Variants in SPIRE2 observed in about 807,000 individuals in gnomAD.
SPIRE2 encodes protein spire homolog 2.
In SPIRE2, 76 loss-of-function variants were observed where a neutral mutation model predicts 80.7. The observed-to-expected ratio is 0.94, with a 90% CI of 0.78 to 1.14. The LOEUF (loss-of-function observed/expected upper bound fraction) is 1.14. Among genes scored for constraint, SPIRE2 ranks in the 50% most tolerant of loss-of-function variants. SPIRE2 has a pLI of 0.00. For synonymous variants in SPIRE2, 535 were observed against 432.6 expected (o/e 1.24, Z -2.94); for missense variants, 1,196 against 1,015.3 (o/e 1.18, Z -2.42).
At position 89,845,209 on chromosome 16, in the gene SPIRE2, C is replaced by A. The variant is rs553035446; in HGVS notation, c.245-113C>A. ...GCCTGCTGTGAGCTTTCTGGTGTTCCGGCGGAGAGTGGGGCTGTGGTGTGT... is the reference window on the plus strand; with the variant it reads ...GCCTGCTGTGAGCTTTCTGGTGTTCAGGCGGAGAGTGGGGCTGTGGTGTGT... On this transcript the variant is annotated intron_variant, in intron 1 of 14. Coordinates refer to ENST00000378247, the MANE Select transcript of SPIRE2 (RefSeq NM_032451.2). 3 of 951,146 alleles carry A rather than the reference C, an allele frequency of 3.2e-6. No homozygotes were observed. In the African/African-American group the frequency reaches 4.9e-5, roughly 16 times the overall value. The allele number at this position is 951,146 out of a possible 1,614,324, so 58.9% of individuals were successfully genotyped here.
intron 3 of SPIRE2, among the ~76,000 whole-genome samples, 167 bp downstream of exon 3, chr16:89,850,827 G>GTT (rs953644391): frequency 1.3e-5 from 2 of 151,760 alleles, no homozygotes; most frequent in East Asian, 1.9e-4. Context: ...CTTTCTTGTT[G>GTT]TTTTTTTGTT....
At chr16:89,842,352 A>C (rs910010286) in intron 1 of SPIRE2, among the ~76,000 whole-genome samples, 1 of 151,510 alleles carries the variant, frequency 6.6e-6, no homozygotes, top group Admixed American at 6.6e-5. Flanking sequence ...AGCTGGGATT[A>C]CAGGCATGTG....
intron 2 of SPIRE2, 77 bp from the exon 3 acceptor site, chr16:89,850,227 C>T (rs763490467): frequency 2.9e-5 from 37 of 1,294,904 alleles, no homozygotes; most frequent in South Asian, 5.0e-5. Flanking sequence ...GTGCTGGGCC[C>T]TCTGCACCCA....
At chr16:89,859,413 G>A (rs2041722588) in intron 9 of SPIRE2, 59 bp downstream of exon 9, 2 of 1,145,052 alleles carry the variant, frequency 1.7e-6, no homozygotes, top group East Asian at 6.2e-5. Flanking sequence ...CCATCCTGTG[G>A]GCACCATCCC....
In SPIRE2 at chr16:89,854,611, A is replaced by C; in HGVS notation, c.851A>C (p.Gln284Pro). Residue 284 changes from glutamine (Q) to proline (P), a missense_variant, in exon 5 of 15, where the codon CAG (glutamine) becomes CCG (proline). Physicochemically the swap from Gln to Pro is moderately conservative, Grantham distance 76. Transcript: ENST00000378247. ...FQLTPFEMLM[Q>P]DIRARNYKLR... ...CTCACGCCCTTCGAGATGCTGATGC[A>C]GGACATCCGGGCCCGGAACTACAAG... is the stretch of plus-strand genomic sequence containing the variant. The C allele has an allele frequency of 6.3e-7, 1 of 1,597,066 alleles. No individual in the cohort carries two copies. Among genetic ancestry groups the C allele is most frequent in the Non-Finnish European group, 8.5e-7 (1 of 1,170,036 alleles).
intron 1 of SPIRE2, among the ~76,000 whole-genome samples, chr16:89,836,638 C>T (rs1435957169): frequency 6.6e-6 from 1 of 152,024 alleles, no homozygotes; most frequent in Non-Finnish European, 1.5e-5. Flanking sequence ...TCACCCAGAA[C>T]GACCTTGACC....
intron 10 of SPIRE2, 63 bp downstream of exon 10, chr16:89,860,858 G>A (rs1024994768): frequency 1.5e-5 from 16 of 1,062,916 alleles, no homozygotes; most frequent in Middle Eastern, 2.3e-4. Context: ...CCACCTTCCC[G>A]CCGCCAGCCA....
chr16:89,870,179 C>T lies in SPIRE2; in HGVS notation c.2052C>T (p.Arg684=), dbSNP rs1482906393. The change falls in exon 15 of 15, where the codon CGC becomes CGT. Residue 684 remains arginine (R), a synonymous_variant. Transcript: ENST00000378247. ...SFVADVVRSS[R]KSVDVLNTTP... is the part of the protein sequence containing the mutation. ...TGGCAGACGTGGTGCGTTCCAGCCG[C>T]AAGAGCGTGGACGTCCTCAACACTA... 1 of 1,610,816 alleles carries T rather than the reference C, an allele frequency of 6.2e-7. No individual in the cohort carries two copies. Among genetic ancestry groups the T allele is most frequent in the Admixed American group, 1.7e-5 (1 of 59,462 alleles).
intron 2 of SPIRE2, among the ~76,000 whole-genome samples, chr16:89,848,012 C>G (rs768609387): frequency 6.6e-6 from 1 of 152,204 alleles, no homozygotes; most frequent in African/African-American, 2.4e-5. Flanking sequence ...GAGGCACAAT[C>G]GGAGCCACGC....
In SPIRE2 at chr16:89,859,373, C is replaced by A; in HGVS notation, c.1462+19C>A. Reference sequence around the variant, plus strand: ...GACCAGGGCAAGTGCTGCTTCTCACCCCCGTACCCTCCTTCGCCCCCACCC... The same window carrying A: ...GACCAGGGCAAGTGCTGCTTCTCACACCCGTACCCTCCTTCGCCCCCACCC... On this transcript the variant is annotated intron_variant, in intron 9 of 14. Coordinates refer to ENST00000378247, the MANE Select transcript of SPIRE2 (RefSeq NM_032451.2). 6.8e-7 allele frequency: 1 copy of A among 1,467,784 alleles called. No individual in the cohort carries two copies. The highest frequency in any genetic ancestry group is 2.5e-5 in the East Asian group (1 of 39,378). The allele number at this position is 1,467,784 out of a possible 1,614,324, so 90.9% of individuals were successfully genotyped here.
chr16:89,859,368 C>G lies in SPIRE2; in HGVS notation c.1462+14C>G, dbSNP rs2041722116. 4 of 1,524,184 alleles carry G rather than the reference C, an allele frequency of 2.6e-6. No individual in the cohort carries two copies. In the African/African-American group the frequency reaches 5.5e-5, roughly 21 times the overall value. 94.4% of individuals were successfully genotyped at this position (1,524,184 alleles called of 1,614,324 possible). A position where few individuals can be genotyped will look rare whatever the true frequency, so the allele number is the denominator to read the frequency against. ...CCCGAGACCAGGGCAAGTGCTGCTT[C>G]TCACCCCCGTACCCTCCTTCGCCCC... On this transcript the variant is annotated intron_variant, in intron 9 of 14. Transcript: ENST00000378247.
At chr16:89,839,403 C>A (rs1352103053) in intron 1 of SPIRE2, among the ~76,000 whole-genome samples, 2 of 148,222 alleles carry the variant, frequency 1.3e-5, no homozygotes, top group African/African-American at 5.0e-5. Context: ...TTAGGGATGT[C>A]ATGGGTGTGT....
chr16:89,851,137 C>G (rs756097857), intron 3 of SPIRE2, among the ~76,000 whole-genome samples: 1 of 152,146 alleles, frequency 6.6e-6, no homozygotes, highest in Non-Finnish European at 1.5e-5. Context: ...TTTCTTCTTA[C>G]CAGAGAAGTT....
chr16:89,850,879 A>G (rs2041620288), intron 3 of SPIRE2, among the ~76,000 whole-genome samples: 1 of 151,800 alleles, frequency 6.6e-6, no homozygotes, highest in African/African-American at 2.4e-5. Flanking sequence ...TCTGTCACCC[A>G]GGCTGGAGGG....
At chr16:89,832,206 G>T (rs2041392026) in intron 1 of SPIRE2, among the ~76,000 whole-genome samples, 1 of 152,244 alleles carries the variant, frequency 6.6e-6, no homozygotes, top group Non-Finnish European at 1.5e-5. Flanking sequence ...AAGCCCGTTT[G>T]TGTGTCTGTG....
At chr16:89,829,944 TGCTCACAGA>T (rs1276781864) in intron 1 of SPIRE2, among the ~76,000 whole-genome samples, 1 of 151,270 alleles carries the variant, frequency 6.6e-6, no homozygotes, top group African/African-American at 2.4e-5. Context: ...GGAGGCTGCA[TGCTCACAGA>T]GCCTCTGTGA....
chr16:89,858,654 T>C (rs1384778175), intron 8 of SPIRE2, 147 bp downstream of exon 8: 3 of 767,138 alleles, frequency 3.9e-6, no homozygotes, highest in East Asian at 3.1e-5. Flanking sequence ...CATCCTGCCG[T>C]AGGAGGAGGC....
chr16:89,842,813 A>G (rs978564997), intron 1 of SPIRE2, among the ~76,000 whole-genome samples: 2 of 152,218 alleles, frequency 1.3e-5, no homozygotes, highest in African/African-American at 4.8e-5. Context: ...AGGACTGCCC[A>G]GGCCCTGGGG....
chr16:89,839,109 A>G (rs1303702521), intron 1 of SPIRE2, among the ~76,000 whole-genome samples: 1 of 151,084 alleles, frequency 6.6e-6, no homozygotes, highest in African/African-American at 2.4e-5. Flanking sequence ...TGGGAGGCCA[A>G]GGCGGGTGGA....
Sources: allele counts gnomAD v4.1 joint callset (sites outside exome capture counted in the v4.1 genomes callset), GRCh38; gene constraint gnomAD v4.1.1; transcripts MANE v1.5; gene names NCBI Gene and HGNC (gene_info 2026-07-23, HGNC 2026-07-21).